Variants in LETM1 observed in about 807,000 individuals in gnomAD.
LETM1 encodes leucine zipper and EF-hand containing transmembrane protein 1, also known as mitochondrial proton/calcium exchanger protein.
Under a neutral mutation model 74.5 loss-of-function variants are expected in LETM1, and 50 were observed. The ratio of observed to expected loss-of-function variants is 0.67; its 90% CI spans 0.53 to 0.85. LETM1 has a LOEUF of 0.85. Ranked by LOEUF, LETM1 falls within the 40% of genes least tolerant of loss-of-function variation. LETM1 has a pLI of 0.00. For synonymous variants in LETM1, 446 were observed against 407.1 expected (o/e 1.10, Z -1.15); for missense variants, 824 against 967.8 (o/e 0.85, Z 1.97).
chr4:1,824,782 C>T (rs956064971), intron 7 of LETM1, among the ~76,000 whole-genome samples: 2 of 152,242 alleles, frequency 1.3e-5, no homozygotes, highest in Non-Finnish European at 2.9e-5. Flanking sequence ...GAAGGCTGGG[C>T]AGAGTGCTAG....
chr4:1,822,800 C>T (rs1484933983), intron 9 of LETM1, 188 bp downstream of exon 9: 4 of 460,034 alleles, frequency 8.7e-6, no homozygotes, highest in Admixed American at 8.8e-5. Context: ...ATCGGGGAGT[C>T]CCCATGTCAG....
At chr4:1,851,384 C>A (rs1387451930) in intron 1 of LETM1, among the ~76,000 whole-genome samples, 1 of 152,110 alleles carries the variant, frequency 6.6e-6, no homozygotes, top group South Asian at 2.1e-4. Context: ...CGTGAGAGGA[C>A]GAACAAGATG....
chr4:1,814,920 CCACCCAGACTAG>C (rs2108833254), intron 13 of LETM1, among the ~76,000 whole-genome samples: 1 of 152,294 alleles, frequency 6.6e-6, no homozygotes, highest in South Asian at 2.1e-4. Context: ...CCCCACTCTG[CCACCCAGACTAG>C]CAGGGAAGGG....
chr4:1,816,942 G>C (rs1577308587), intron 11 of LETM1, 28 bp from the exon 12 acceptor site: 2 of 1,596,298 alleles, frequency 1.3e-6, no homozygotes, highest in Non-Finnish European at 1.7e-6. Context: ...GTTGTAAAAA[G>C]TTTGTCTTAA....
intron 5 of LETM1, chr4:1,833,386 T>A: frequency 4.6e-6 from 1 of 219,418 alleles, no homozygotes; most frequent in Non-Finnish European, 9.2e-6. Flanking sequence ...GCGTCTGGCC[T>A]GTGGACCTCT....
intron 12 of LETM1, among the ~76,000 whole-genome samples, chr4:1,816,287 C>T (rs187181798): frequency 5.9e-5 from 9 of 152,338 alleles, no homozygotes; most frequent in African/African-American, 4.8e-5. Flanking sequence ...CTGTTTCATT[C>T]GCCCAGAAGG....
chr4:1,822,904 G>A (rs1711836140), intron 9 of LETM1, 84 bp downstream of exon 9: 5 of 1,221,500 alleles, frequency 4.1e-6, no homozygotes, highest in Non-Finnish European at 5.2e-6. Context: ...GCATGCGGGA[G>A]GCCAAGACTG....
intron 2 of LETM1, among the ~76,000 whole-genome samples, chr4:1,842,813 T>C (rs1319900293): frequency 6.6e-6 from 1 of 152,184 alleles, no homozygotes; most frequent in Non-Finnish European, 1.5e-5. Context: ...GCCCAGAACC[T>C]ATGGTTTGTG....
At chr4:1,817,624 CAG>C (rs1054689940) in intron 11 of LETM1, among the ~76,000 whole-genome samples, 21 of 152,024 alleles carry the variant, frequency 1.4e-4, no homozygotes, top group African/African-American at 2.9e-4. Context: ...TAATTCAAAC[CAG>C]AGAGTTATAA....
intron 9 of LETM1, 29 bp from the exon 10 acceptor site, chr4:1,822,341 G>A (rs746616618): frequency 7.6e-6 from 11 of 1,443,252 alleles, no homozygotes; most frequent in East Asian, 2.6e-5. Context: ...CCAGCCCAGC[G>A]CCCGCCATCA....
chr4:1,822,293 C>G lies in LETM1; in HGVS notation c.1496G>C (p.Arg499Pro). The G allele has an allele frequency of 6.6e-7, 1 of 1,519,050 alleles. No homozygotes were observed. The highest frequency in any genetic ancestry group is 8.9e-7 in the Non-Finnish European group (1 of 1,125,968). 94.1% of individuals were successfully genotyped at this position (1,519,050 alleles called of 1,614,324 possible). Residue 499 changes from arginine to proline, a missense_variant, in exon 10 of 14, where the codon CGT (arginine) becomes CCT (proline). Arg to Pro is a moderately radical substitution (Grantham distance 103, BLOSUM62 -2). Coordinates refer to ENST00000302787, the MANE Select transcript of LETM1 (RefSeq NM_012318.3). ...SEVAKDFEPE[R>P]VVAAPQRPGT... ...CGGCCTTTGGGGAGCAGCTACCACA[C>G]GTTCGGGCTCAAAATCCTTCTGAAA...
intron 1 of LETM1, among the ~76,000 whole-genome samples, chr4:1,852,113 CAG>C (rs1240846290): frequency 1.3e-5 from 2 of 152,320 alleles, no homozygotes; most frequent in African/African-American, 4.8e-5. Flanking sequence ...TGACACTACC[CAG>C]AGTTAGTGCA....
At chr4:1,839,354 G>A (rs1467269702) in intron 3 of LETM1, 2 of 152,198 alleles carry the variant, frequency 1.3e-5, no homozygotes, top group East Asian at 3.9e-4. Context: ...AGACAGAAAG[G>A]GCCTGCACCT....
chr4:1,831,953 C>A (rs1712286396), intron 6 of LETM1, among the ~76,000 whole-genome samples: 1 of 152,180 alleles, frequency 6.6e-6, no homozygotes, highest in African/African-American at 2.4e-5. Context: ...AGACAGATGA[C>A]AAGAGGAACA....
Position 1,814,159 on chromosome 4 carries a change from C to A in LETM1, c.*265G>T. On this transcript the variant is annotated 3_prime_UTR_variant, in exon 14 of 14. Transcript: ENST00000302787. ...GGGGCGCCTTCCTGCCTTGGCCCAG[C>A]CCAGCTGCCTCTGGAGCCAGGAGGC... 2 of 512,890 alleles carry A rather than the reference C, an allele frequency of 3.9e-6. No individual in the cohort carries two copies. The highest frequency in any genetic ancestry group is 6.9e-6 in the Non-Finnish European group (2 of 289,066). 31.8% of individuals were successfully genotyped at this position (512,890 alleles called of 1,614,324 possible).
chr4:1,831,759 A>G (rs1712278063), intron 6 of LETM1, among the ~76,000 whole-genome samples: 1 of 152,254 alleles, frequency 6.6e-6, no homozygotes, highest in Non-Finnish European at 1.5e-5. Flanking sequence ...CCAGAGATGC[A>G]GGCAGGCTCT....
intron 6 of LETM1, among the ~76,000 whole-genome samples, chr4:1,826,159 G>A (rs771038755): frequency 3.3e-5 from 5 of 152,224 alleles, no homozygotes; most frequent in Admixed American, 6.5e-5. Context: ...GAGTCCCAGA[G>A]GTAGAGGACA....
chr4:1,830,507 T>G (rs896989753), intron 6 of LETM1, among the ~76,000 whole-genome samples: 8 of 152,052 alleles, frequency 5.3e-5, no homozygotes, highest in African/African-American at 1.9e-4. Context: ...ATTTTTAAAT[T>G]TTTTTGTAGA....
rs780511940 is a variant in LETM1, at chr4:1,822,212, T to C, written c.1577A>G (p.Lys526Arg). The change falls in exon 10 of 14, where the codon AAG becomes AGG. Residue 526 changes from lysine to arginine, a missense_variant. Physicochemically the swap from Lys to Arg is conservative, Grantham distance 26. This residue lies in a region of LETM1 where 172 missense variants were observed against 170.7 expected (regional missense o/e 1.01). Transcript: ENST00000302787. ...PDTVLQSETL[K>R]DTAPVLEGLK... ...GCCCTCCAGCACCGGGGCAGTGTCC[T>C]TCAAGGTCTCTGACTGCAGGACTGT... The C allele has an allele frequency of 1.3e-6, 2 of 1,512,906 alleles. No individual in the cohort carries two copies. The highest frequency in any genetic ancestry group is 1.8e-6 in the Non-Finnish European group (2 of 1,119,942). The allele number at this position is 1,512,906 out of a possible 1,614,324, so 93.7% of individuals were successfully genotyped here. A position where few individuals can be genotyped will look rare whatever the true frequency, so the allele number is the denominator to read the frequency against.
Sources: gnomAD v4.1 joint callset for allele counts (sites outside exome capture counted in the v4.1 genomes callset) on GRCh38, gnomAD v4.1.1 for gene constraint, gnomAD v4.1.1 regional missense constraint, MANE v1.5 for transcripts, NCBI Gene and HGNC (gene_info 2026-07-23, HGNC 2026-07-21) for gene names.